The following MAP2K1 variants were observed in gnomAD, a reference collection of about 807,000 sequenced individuals.
MAP2K1 encodes the protein dual specificity mitogen-activated protein kinase kinase 1.
MAP2K1 carries 16 observed loss-of-function variants against 46.3 expected under a neutral mutation model. The ratio of observed to expected loss-of-function variants is 0.35; its 90% CI spans 0.23 to 0.52. The LOEUF (loss-of-function observed/expected upper bound fraction) is 0.52, where lower values mean the gene tolerates loss of function less well. Ranked by LOEUF, MAP2K1 falls within the 20% of genes least tolerant of loss-of-function variation. The pLI is 0.94. For synonymous variants in MAP2K1, 183 were observed against 185.6 expected (o/e 0.99, Z 0.11); for missense variants, 263 against 497.1 (o/e 0.53, Z 4.48).
At chr15:66,391,995 G>T (rs946829106) in intron 1 of MAP2K1, among the ~76,000 whole-genome samples, 6 of 152,194 alleles carry the variant, frequency 3.9e-5, no homozygotes, top group Admixed American at 3.9e-4. Flanking sequence ...ACACTTTCAG[G>T]TCAGTGGGAG....
intron 5 of MAP2K1, among the ~76,000 whole-genome samples, chr15:66,470,292 T>G (rs774826785): frequency 1.1e-4 from 17 of 151,974 alleles, no homozygotes; most frequent in Admixed American, 2.0e-4. Flanking sequence ...TACTGAGAGC[T>G]CTAATGGTAA....
intron 5 of MAP2K1, chr15:66,444,957 G>A: frequency 2.0e-6 from 1 of 510,714 alleles, no homozygotes; most frequent in Non-Finnish European, 3.5e-6. Context: ...CCAGCTAAGA[G>A]CCTCAACCAG....
At chr15:66,461,579 A>G (rs1038601032) in intron 5 of MAP2K1, among the ~76,000 whole-genome samples, 4 of 152,142 alleles carry the variant, frequency 2.6e-5, no homozygotes, top group African/African-American at 9.7e-5. Context: ...ATAAGGCTTG[A>G]TAAGACCAAA....
chr15:66,436,046 A>G (rs2093487234), intron 2 of MAP2K1, among the ~76,000 whole-genome samples: 1 of 152,070 alleles, frequency 6.6e-6, no homozygotes, highest in African/African-American at 2.4e-5. Context: ...TTTTTTGCAC[A>G]TGGTGTTCAC....
intron 5 of MAP2K1, among the ~76,000 whole-genome samples, chr15:66,448,499 G>A (rs114396388): frequency 6.6e-6 from 1 of 152,146 alleles, no homozygotes; most frequent in South Asian, 2.1e-4. Flanking sequence ...GATTTGTCGG[G>A]AGAAAAGAAA....
chr15:66,412,147 G>C (rs1566999650), intron 1 of MAP2K1, among the ~76,000 whole-genome samples: 1 of 152,220 alleles, frequency 6.6e-6, no homozygotes, highest in East Asian at 1.9e-4. Context: ...AATTTGGTGA[G>C]CTTTAGTGTC....
At chr15:66,462,198 G>A (rs771132778) in intron 5 of MAP2K1, among the ~76,000 whole-genome samples, 28 of 152,096 alleles carry the variant, frequency 1.8e-4, no homozygotes, top group South Asian at 1.5e-3. Context: ...AAAAGCTGGG[G>A]GTTATAATGA....
chr15:66,444,214 G>A (rs1336401606), intron 4 of MAP2K1, among the ~76,000 whole-genome samples: 2 of 150,178 alleles, frequency 1.3e-5, no homozygotes, highest in African/African-American at 4.9e-5. Flanking sequence ...CTCCAGCCTG[G>A]GCAACAAGAG....
intron 5 of MAP2K1, among the ~76,000 whole-genome samples, chr15:66,449,392 C>T (rs951747587): frequency 1.3e-5 from 2 of 152,068 alleles, no homozygotes; most frequent in African/African-American, 4.8e-5. Flanking sequence ...CCTGCTAATA[C>T]GAAATTTTAG....
chr15:66,485,305 C>T, intron 7 of MAP2K1, 114 bp downstream of exon 7: 1 of 1,063,228 alleles, frequency 9.4e-7, no homozygotes, highest in East Asian at 2.6e-5. Context: ...ATTCTCTGTC[C>T]CTGGATGCCA....
chr15:66,403,143 G>A (rs1287682277), intron 1 of MAP2K1, among the ~76,000 whole-genome samples: 7 of 152,194 alleles, frequency 4.6e-5, no homozygotes, highest in Non-Finnish European at 8.8e-5. Context: ...GGAGGTGGTT[G>A]AGCTTTTACT....
chr15:66,441,373 G>T lies in MAP2K1; in HGVS notation c.439-1907G>T, dbSNP rs1016268929. On this transcript the variant is annotated intron_variant, in intron 3 of 10. Coordinates refer to ENST00000307102, the MANE Select transcript of MAP2K1 (RefSeq NM_002755.4). ...CTGTCCTAGGCTGCATTTAGGGTCA[G>T]TTGAGAGGTAGTGCTGGCTGAGCAC... 4.6e-5 allele frequency among the ~76,000 whole-genome samples: 7 copies of T among 152,170 alleles called. No homozygotes were observed. The South Asian group carries it at 6.2e-4, about 14-fold the overall frequency.
rs112542693 is a variant in MAP2K1 at position 66,387,263 on chromosome 15, G to C, written c.-85G>C. ...GCCCGCGGCCCGGACTTGGTCCTGCGCAGCGGGCGCGGGGCAGCGCAGCGG... is the reference window on the plus strand; with the variant it reads ...GCCCGCGGCCCGGACTTGGTCCTGCCCAGCGGGCGCGGGGCAGCGCAGCGG... On this transcript the variant is annotated 5_prime_UTR_variant, in exon 1 of 11. Transcript: ENST00000307102. The C allele has an allele frequency of 0.23, 285,491 of 1,243,106 alleles. 35,506 individuals carry two copies. The highest frequency in any genetic ancestry group is 0.28 in the Middle Eastern group (1,197 of 4,260). 77.0% of individuals were successfully genotyped at this position (1,243,106 alleles called of 1,614,324 possible). A position where few individuals can be genotyped will look rare whatever the true frequency, so the allele number is the denominator to read the frequency against.
chr15:66,434,998 ATTGAC>A, intron 1 of MAP2K1, 24 bp from the exon 2 acceptor site: 14 of 1,428,146 alleles, frequency 9.8e-6, no homozygotes, highest in Non-Finnish European at 1.4e-5. Context: ...TGGTGACAGT[ATTGAC>A]TTGTGCTCCC....
intron 1 of MAP2K1, among the ~76,000 whole-genome samples, chr15:66,418,218 G>A (rs2093428964): frequency 6.6e-6 from 1 of 152,148 alleles, no homozygotes; most frequent in Admixed American, 6.5e-5. Flanking sequence ...GTCATTTGCG[G>A]CCTATGACCT....
At chr15:66,455,958 G>C (rs892188765) in intron 5 of MAP2K1, among the ~76,000 whole-genome samples, 10 of 152,186 alleles carry the variant, frequency 6.6e-5, no homozygotes, top group South Asian at 4.1e-4. Flanking sequence ...TGATCAGGGG[G>C]TGGGTATAGA....
chr15:66,395,573 A>ATTTTTTT (rs58172562), intron 1 of MAP2K1, among the ~76,000 whole-genome samples: 16 of 98,572 alleles, frequency 1.6e-4, no homozygotes, highest in Non-Finnish European at 3.2e-4. Context: ...TTCTTGCATG[A>ATTTTTTT]TTTTTTTTTT....
intron 7 of MAP2K1, among the ~76,000 whole-genome samples, chr15:66,486,639 G>GT (rs1893044470): frequency 6.6e-6 from 1 of 152,142 alleles, no homozygotes; most frequent in South Asian, 2.1e-4. Flanking sequence ...AGTAAACCTG[G>GT]TACTCAGGGA....
intron 1 of MAP2K1, among the ~76,000 whole-genome samples, chr15:66,395,402 T>C (rs2093365053): frequency 6.6e-6 from 1 of 152,174 alleles, no homozygotes; most frequent in Admixed American, 6.5e-5. Flanking sequence ...CTTGCCTATC[T>C]AGCTTAATTT....
Sources: allele counts gnomAD v4.1 joint callset (sites outside exome capture counted in the v4.1 genomes callset), GRCh38; gene constraint gnomAD v4.1.1; transcripts MANE v1.5; gene names NCBI Gene and HGNC (gene_info 2026-07-23, HGNC 2026-07-21).